The following GRID1 variants were observed in gnomAD, a reference collection of about 807,000 sequenced individuals.
GRID1 encodes glutamate receptor ionotropic, delta-1.
Under a neutral mutation model 98.0 loss-of-function variants are expected in GRID1, and 28 were observed. The ratio of observed to expected loss-of-function variants is 0.29; its 90% CI spans 0.21 to 0.39. The LOEUF (loss-of-function observed/expected upper bound fraction) is 0.39. Among genes scored for constraint, GRID1 ranks in the 10% least tolerant of loss-of-function variants. The pLI, the probability that GRID1 is intolerant of heterozygous loss-of-function variation, is 1.00. For synonymous variants in GRID1, 553 were observed against 538.5 expected, an observed-to-expected ratio of 1.03 and a Z score of -0.37; for missense variants, 1,111 against 1,340.5, an observed-to-expected ratio of 0.83 and a Z score of 2.67.
intron 2 of GRID1, among the ~76,000 whole-genome samples, chr10:86,309,710 G>A (rs7083834): frequency 0.024 from 3,619 of 152,240 alleles, 151 homozygotes; most frequent in African/African-American, 0.082. Flanking sequence ...GGTCACTGCC[G>A]TCAAAGAACC....
At chr10:85,744,217 C>T (rs965816406) in intron 8 of GRID1, among the ~76,000 whole-genome samples, 4 of 152,142 alleles carry the variant, frequency 2.6e-5, no homozygotes, top group African/African-American at 7.2e-5. Flanking sequence ...AAAGATGTAC[C>T]TCACAGACCT....
intron 10 of GRID1, among the ~76,000 whole-genome samples, chr10:85,727,479 A>T (rs530832046): frequency 5.9e-5 from 9 of 152,284 alleles, no homozygotes; most frequent in Non-Finnish European, 1.0e-4. Context: ...TGAATATCTA[A>T]CCTGTGGTCT....
intron 2 of GRID1, among the ~76,000 whole-genome samples, chr10:86,216,603 G>A (rs1303905006): frequency 6.6e-6 from 1 of 152,232 alleles, no homozygotes; most frequent in Non-Finnish European, 1.5e-5. Context: ...TTCTGCCCAA[G>A]AAGGAGGGAG....
At chr10:86,295,667 C>CTT (rs899639708) in intron 2 of GRID1, among the ~76,000 whole-genome samples, 1 of 151,668 alleles carries the variant, frequency 6.6e-6, no homozygotes, top group African/African-American at 2.4e-5. Context: ...CGTGGGTGTT[C>CTT]TTTTTTTTTC....
At chr10:85,772,132 A>G (rs1269119483) in intron 8 of GRID1, among the ~76,000 whole-genome samples, 1 of 152,216 alleles carries the variant, frequency 6.6e-6, no homozygotes, top group Non-Finnish European at 1.5e-5. Context: ...CTCTCAGACC[A>G]CAGTGCAATC....
chr10:86,101,704 A>G (rs987097492), intron 4 of GRID1, among the ~76,000 whole-genome samples: 1 of 150,956 alleles, frequency 6.6e-6, no homozygotes, highest in South Asian at 2.1e-4. Flanking sequence ...GTGTGGTGCA[A>G]TCATAGCTCA....
Position 85,632,745 on chromosome 10 carries a change from G to T in GRID1, c.2194-12712C>A, listed in dbSNP as rs13376935. ...TTTTTAAAAATTATTTTATTTGAAG[G>T]TGTGGGATACATGTGCAAGATGTGC... On this transcript the variant is annotated intron_variant, in intron 13 of 15. Coordinates refer to ENST00000327946, the MANE Select transcript of GRID1 (RefSeq NM_017551.3). Among the ~76,000 whole-genome samples, 329 of 152,214 alleles carry T rather than the reference G, an allele frequency of 2.2e-3. 1 individual carries two copies. Among genetic ancestry groups the T allele is most frequent in the African/African-American group, 7.1e-3 (293 of 41,520 alleles).
At chr10:86,253,647 A>G (rs1846871267) in intron 2 of GRID1, among the ~76,000 whole-genome samples, 4 of 152,144 alleles carry the variant, frequency 2.6e-5, no homozygotes, top group African/African-American at 9.7e-5. Flanking sequence ...GAGGACAAGA[A>G]GGCCAGGCCC....
At chr10:86,236,280 C>A (rs1846535675) in intron 2 of GRID1, among the ~76,000 whole-genome samples, 3 of 152,174 alleles carry the variant, frequency 2.0e-5, no homozygotes. Context: ...ATGTTCTGGA[C>A]AGAAATTCAT....
At chr10:85,764,723 A>G (rs1447805913) in intron 8 of GRID1, among the ~76,000 whole-genome samples, 1 of 152,228 alleles carries the variant, frequency 6.6e-6, no homozygotes, top group Non-Finnish European at 1.5e-5. Context: ...GTCACTCTCA[A>G]AAAACAGCTG....
At chr10:86,170,586 A>T (rs1002864498) in intron 3 of GRID1, among the ~76,000 whole-genome samples, 3 of 152,214 alleles carry the variant, frequency 2.0e-5, no homozygotes, top group African/African-American at 7.2e-5. Flanking sequence ...GGACCAGTGA[A>T]CCACAAAGAA....
chr10:86,139,035 A>G lies in GRID1; in HGVS notation c.521-11T>C. 1 of 1,595,306 alleles carries G rather than the reference A, an allele frequency of 6.3e-7. No individual in the cohort carries two copies. Among genetic ancestry groups the G allele is most frequent in the South Asian group, 1.1e-5 (1 of 90,716 alleles). On this transcript the variant is annotated splice_polypyrimidine_tract_variant and intron_variant, in intron 3 of 15. Coordinates refer to ENST00000327946, the MANE Select transcript of GRID1 (RefSeq NM_017551.3). ...GAAGCCCACGGATATCTGAGCAGTG[A>G]GAGAAGAGGAGGAAAAGAAAAATCA...
rs1178635149 is a variant in GRID1, at chr10:86,149,895, C to T, written c.521-10871G>A. Among the ~76,000 whole-genome samples the T allele has an allele frequency of 3.3e-5, 5 of 152,154 alleles. No homozygotes were observed. In the East Asian group the frequency reaches 9.6e-4, roughly 29 times the overall value. ...ATATTTTCTTTTAATCTGGCAGGTCCCTTGTTCCCACTGCAATAAATAGTC... is the reference window on the plus strand; with the variant it reads ...ATATTTTCTTTTAATCTGGCAGGTCTCTTGTTCCCACTGCAATAAATAGTC... On this transcript the variant is annotated intron_variant, in intron 3 of 15. Coordinates refer to ENST00000327946, the MANE Select transcript of GRID1 (RefSeq NM_017551.3).
chr10:86,220,759 C>T lies in GRID1; in HGVS notation c.236-14111G>A, dbSNP rs75075169. Among the ~76,000 whole-genome samples the T allele has an allele frequency of 3.1e-3, 471 of 152,320 alleles. 2 individuals are homozygous for T. The highest frequency in any genetic ancestry group is 5.0e-3 in the Non-Finnish European group (338 of 68,020). On this transcript the variant is annotated intron_variant, in intron 2 of 15. Transcript: ENST00000327946. ...CAAGTTTTGCATGGGCTTTGCTTTC[C>T]AACACCTCATCGCCGTCCTAACAGC... is the stretch of plus-strand genomic sequence containing the variant.
chr10:85,973,418 C>A (rs1339783354), intron 4 of GRID1, among the ~76,000 whole-genome samples: 6 of 152,086 alleles, frequency 3.9e-5, no homozygotes, highest in Non-Finnish European at 8.8e-5. Flanking sequence ...TCCTTCATTA[C>A]AAATCCTTCT....
At chr10:85,997,444 C>T (rs542025588) in intron 4 of GRID1, among the ~76,000 whole-genome samples, 3 of 151,552 alleles carry the variant, frequency 2.0e-5, no homozygotes, top group African/African-American at 4.8e-5. Flanking sequence ...TTTTGATGAA[C>T]GTAGAGGGAA....
intron 8 of GRID1, among the ~76,000 whole-genome samples, chr10:85,770,080 T>C (rs944593003): frequency 6.6e-6 from 1 of 152,078 alleles, no homozygotes; most frequent in Non-Finnish European, 1.5e-5. Context: ...CACCCCCCAG[T>C]AGGGGCAGAC....
chr10:86,221,904 C>CCTCCTT (rs1176608661), intron 2 of GRID1, among the ~76,000 whole-genome samples: 2 of 150,582 alleles, frequency 1.3e-5, no homozygotes, highest in Non-Finnish European at 3.0e-5. Context: ...TCCTTCTCCT[C>CCTCCTT]CTCCTCCTCC....
chr10:85,947,737 TAAA>T (rs1842071139), intron 4 of GRID1, among the ~76,000 whole-genome samples: 2 of 152,212 alleles, frequency 1.3e-5, no homozygotes, highest in South Asian at 2.1e-4. Flanking sequence ...GGCAAAAGCA[TAAA>T]GCCACGCTAT....
Sources: gnomAD v4.1 joint callset for allele counts (sites outside exome capture counted in the v4.1 genomes callset) on GRCh38, gnomAD v4.1.1 for gene constraint, MANE v1.5 for transcripts, NCBI Gene and HGNC (gene_info 2026-07-23, HGNC 2026-07-21) for gene names.